Variants in PTPRD observed in about 807,000 individuals in gnomAD.
PTPRD encodes the protein receptor-type tyrosine-protein phosphatase delta.
In PTPRD, 34 loss-of-function variants were observed where a neutral mutation model predicts 214.5. The ratio of observed to expected loss-of-function variants is 0.16; its 90% CI spans 0.12 to 0.21. The LOEUF is 0.21. Among genes scored for constraint, PTPRD ranks in the 10% least tolerant of loss-of-function variants. The probability of loss-of-function intolerance (pLI) is 1.00; values close to 1 mark genes in which losing one functional copy is unlikely to be tolerated. For missense variants in PTPRD, 2,545 were observed against 2,398.7 expected (o/e 1.06, Z -1.27); for synonymous variants, 1,128 against 845.7 (o/e 1.33, Z -5.79).
At chr9:10,185,830 A>G (rs1416219826) in intron 3 of PTPRD, among the ~76,000 whole-genome samples, 1 of 151,992 alleles carries the variant, frequency 6.6e-6, no homozygotes, top group Non-Finnish European at 1.5e-5. Context: ...ATAACATTCT[A>G]TCATAATATG....
At chr9:9,953,915 A>G (rs2093670943) in intron 4 of PTPRD, among the ~76,000 whole-genome samples, 1 of 152,076 alleles carries the variant, frequency 6.6e-6, no homozygotes, top group African/African-American at 2.4e-5. Context: ...TTTTTGTGTA[A>G]AGGGAGGATT....
intron 12 of PTPRD, among the ~76,000 whole-genome samples, chr9:8,729,940 C>G (rs562765919): frequency 6.6e-6 from 1 of 152,348 alleles, no homozygotes; most frequent in Admixed American, 6.5e-5. Context: ...GAGGGACTCA[C>G]TGCTTCCATA....
chr9:10,161,515 A>T (rs548897536), intron 3 of PTPRD, among the ~76,000 whole-genome samples: 49 of 151,892 alleles, frequency 3.2e-4, no homozygotes, highest in Non-Finnish European at 4.9e-4. Flanking sequence ...ATTAAACTAG[A>T]CCCTATCTCT....
chr9:8,501,026 G>C lies in PTPRD; in HGVS notation c.1856C>G (p.Thr619Ser), dbSNP rs752023699. Residue 619 changes from threonine (T) to serine (S), a missense_variant, in exon 24 of 46, where the codon ACC (threonine) becomes AGC (serine). Thr to Ser is a moderately conservative substitution (Grantham distance 58). Coordinates refer to ENST00000381196, the MANE Select transcript of PTPRD (RefSeq NM_002839.4). ...CAAAATACTAGTGGAACTTGGGCTG[G>C]TGCAACTAATGTCTTGAGGAGGAGC... ...PSAPPQDISC[T>S]SPSSTSILVS... 11 of 1,613,806 alleles carry C rather than the reference G, an allele frequency of 6.8e-6. No homozygotes were observed. Among genetic ancestry groups the C allele is most frequent in the South Asian group, 1.1e-5 (1 of 91,064 alleles).
chr9:9,128,444 A>G (rs1303211327), intron 10 of PTPRD, among the ~76,000 whole-genome samples: 1 of 152,208 alleles, frequency 6.6e-6, no homozygotes, highest in Non-Finnish European at 1.5e-5. Flanking sequence ...ATTGCATACT[A>G]TACAAAACAT....
chr9:9,737,528 G>A (rs1303731173), intron 6 of PTPRD, among the ~76,000 whole-genome samples: 1 of 151,990 alleles, frequency 6.6e-6, no homozygotes, highest in Admixed American at 6.6e-5. Flanking sequence ...TTCTTCCCCT[G>A]ATAACTCCTA....
At chr9:10,008,002 T>C (rs1185498742) in intron 4 of PTPRD, among the ~76,000 whole-genome samples, 1 of 152,024 alleles carries the variant, frequency 6.6e-6, no homozygotes, top group Admixed American at 6.6e-5. Context: ...CTTAGTAAGT[T>C]TATAAAGTAA....
chr9:9,004,971 C>T (rs1170781790), intron 11 of PTPRD, among the ~76,000 whole-genome samples: 3 of 152,058 alleles, frequency 2.0e-5, no homozygotes, highest in Non-Finnish European at 4.4e-5. Flanking sequence ...TTGCATTATC[C>T]GCCAGGTGTT....
At chr9:9,218,830 CCAGA>C (rs1183890534) in intron 9 of PTPRD, among the ~76,000 whole-genome samples, 1 of 152,104 alleles carries the variant, frequency 6.6e-6, no homozygotes, top group Non-Finnish European at 1.5e-5. Flanking sequence ...AAAAACACTA[CCAGA>C]CAATCACACC....
At chr9:9,840,029 T>TTCA (rs1565670692) in intron 5 of PTPRD, among the ~76,000 whole-genome samples, 1 of 151,926 alleles carries the variant, frequency 6.6e-6, no homozygotes, top group Non-Finnish European at 1.5e-5. Flanking sequence ...ATGGTTGGTT[T>TTCA]TTATTATTAT....
At chr9:9,907,217 A>G (rs1019267587) in intron 5 of PTPRD, among the ~76,000 whole-genome samples, 18 of 151,892 alleles carry the variant, frequency 1.2e-4, no homozygotes, top group Non-Finnish European at 1.9e-4. Context: ...TGCAATTGTC[A>G]TATACATGAT....
chr9:9,508,569 AT>A (rs2096625214), intron 8 of PTPRD, among the ~76,000 whole-genome samples: 1 of 151,684 alleles, frequency 6.6e-6, no homozygotes, highest in East Asian at 1.9e-4. Flanking sequence ...CTCCTCTTAC[AT>A]TTTTGATGAG....
chr9:10,134,383 A>T (rs2098926573), intron 3 of PTPRD, among the ~76,000 whole-genome samples: 4 of 152,124 alleles, frequency 2.6e-5, no homozygotes, highest in Admixed American at 2.0e-4. Context: ...TAAGGGGTTC[A>T]TCTATCCCCG....
intron 5 of PTPRD, among the ~76,000 whole-genome samples, chr9:9,863,227 T>G (rs4742630): frequency 0.27 from 40,477 of 152,092 alleles, 6,682 homozygotes; most frequent in East Asian, 0.8. Flanking sequence ...GATTAAAGGT[T>G]CACGGACTAA....
intron 23 of PTPRD, among the ~76,000 whole-genome samples, chr9:8,502,878 A>G (rs1265233763): frequency 6.7e-6 from 1 of 149,784 alleles, no homozygotes; most frequent in Admixed American, 6.6e-5. Flanking sequence ...ACACACACAT[A>G]TGTTAAAAAC....
At chr9:9,094,667 A>G (rs969904220) in intron 10 of PTPRD, among the ~76,000 whole-genome samples, 1 of 152,128 alleles carries the variant, frequency 6.6e-6, no homozygotes, top group South Asian at 2.1e-4. Flanking sequence ...ACCAAAAACT[A>G]TTGGAATAAA....
chr9:10,578,408 T>C (rs999986906), intron 2 of PTPRD, among the ~76,000 whole-genome samples: 13 of 152,054 alleles, frequency 8.5e-5, no homozygotes, highest in Admixed American at 5.2e-4. Context: ...TAAATACCTT[T>C]ATTTTAGGGG....
intron 2 of PTPRD, among the ~76,000 whole-genome samples, chr9:10,372,446 A>G (rs1432991597): frequency 6.6e-6 from 1 of 152,098 alleles, no homozygotes; most frequent in African/African-American, 2.4e-5. Context: ...AATGACACAT[A>G]TCTGGATTGT....
chr9:10,280,360 C>CACACA (rs752581841), intron 3 of PTPRD, among the ~76,000 whole-genome samples: 173 of 144,812 alleles, frequency 1.2e-3, no homozygotes, highest in African/African-American at 4.3e-3. Context: ...TACATAAACA[C>CACACA]CACACACACA....
Sources: allele counts gnomAD v4.1 joint callset (sites outside exome capture counted in the v4.1 genomes callset), GRCh38; gene constraint gnomAD v4.1.1; transcripts MANE v1.5; gene names NCBI Gene and HGNC (gene_info 2026-07-23, HGNC 2026-07-21).